The following ATF6 variants were observed in gnomAD, a reference collection of about 807,000 sequenced individuals.
ATF6 encodes activating transcription factor 6, also known as cyclic AMP-dependent transcription factor ATF-6 alpha.
Under a neutral mutation model 83.6 loss-of-function variants are expected in ATF6, and 53 were observed. The ratio of observed to expected loss-of-function variants is 0.63; its 90% CI spans 0.51 to 0.80. The LOEUF is 0.80. Ranked by LOEUF, ATF6 falls within the 30% of genes least tolerant of loss-of-function variation. The probability of loss-of-function intolerance (pLI) is 0.00; values close to 1 mark genes in which losing one functional copy is unlikely to be tolerated. For synonymous variants in ATF6, 288 were observed against 285.8 expected (o/e 1.01, Z -0.08); for missense variants, 744 against 797.9 (o/e 0.93, Z 0.81).
At position 161,958,788 on chromosome 1, in the gene ATF6, G is replaced by T. The variant is rs536231519; in HGVS notation, c.*134G>T. On this transcript the variant is annotated 3_prime_UTR_variant, in exon 16 of 16. Coordinates refer to ENST00000367942, the MANE Select transcript of ATF6 (RefSeq NM_007348.4). ...CTAGAATTCAAGGAGGAAAGAAGAA[G>T]AAATAAAAGAAGCTGCTCCATTTTT... The T allele has an allele frequency of 1.4e-6, 1 of 705,704 alleles. No homozygotes were observed. Among genetic ancestry groups the T allele is most frequent in the South Asian group, 2.5e-5 (1 of 40,192 alleles). 43.7% of individuals were successfully genotyped at this position (705,704 alleles called of 1,614,324 possible). A position where few individuals can be genotyped will look rare whatever the true frequency, so the allele number is the denominator to read the frequency against.
At chr1:161,857,754 G>A (rs992452176) in intron 12 of ATF6, among the ~76,000 whole-genome samples, 3 of 151,916 alleles carry the variant, frequency 2.0e-5, no homozygotes, top group South Asian at 4.1e-4. Flanking sequence ...AATAATAATG[G>A]CAATTTATTA....
chr1:161,866,332 C>CATTCCTGT (rs1686998991), intron 14 of ATF6, among the ~76,000 whole-genome samples: 1 of 152,214 alleles, frequency 6.6e-6, no homozygotes, highest in Non-Finnish European at 1.5e-5. Context: ...TCACACCCTG[C>CATTCCTGT]ATTCCTGTAC....
chr1:161,892,812 A>G (rs1260888450), intron 14 of ATF6, among the ~76,000 whole-genome samples: 1 of 151,770 alleles, frequency 6.6e-6, no homozygotes, highest in African/African-American at 2.4e-5. Context: ...TAATTTTTGT[A>G]TTTTTAGTAG....
At chr1:161,845,288 G>A (rs1686458227) in intron 9 of ATF6, among the ~76,000 whole-genome samples, 1 of 151,962 alleles carries the variant, frequency 6.6e-6, no homozygotes, top group Non-Finnish European at 1.5e-5. Flanking sequence ...TTTTTCATTA[G>A]CCTTACTTTC....
chr1:161,894,642 TTC>T (rs1284032350), intron 14 of ATF6, among the ~76,000 whole-genome samples: 1 of 144,584 alleles, frequency 6.9e-6, no homozygotes, highest in Non-Finnish European at 1.5e-5. Flanking sequence ...GTTTAAGCAA[TTC>T]TCTGCCTCAG....
intron 15 of ATF6, among the ~76,000 whole-genome samples, chr1:161,914,609 T>C (rs933352666): frequency 6.6e-6 from 1 of 152,200 alleles, no homozygotes; most frequent in South Asian, 2.1e-4. Flanking sequence ...CTTTGAAATC[T>C]CCTTTTCAGG....
chr1:161,888,445 T>G (rs1215163411), intron 14 of ATF6, among the ~76,000 whole-genome samples: 1 of 152,204 alleles, frequency 6.6e-6, no homozygotes, highest in African/African-American at 2.4e-5. Context: ...CTTATCTAAA[T>G]TCCCCTAGCT....
rs1293114767 is a variant in ATF6 at position 161,950,606 on chromosome 1, A to C, written c.1805-7840A>C. Among the ~76,000 whole-genome samples the C allele has an allele frequency of 3.3e-5, 5 of 152,204 alleles. No homozygotes were observed. The East Asian group carries it at 9.6e-4, about 29-fold the overall frequency. On this transcript the variant is annotated intron_variant, in intron 15 of 15. Transcript: ENST00000367942. ...ATTAGAAGCCAGAAAGTAATAGGCC[A>C]TTCCTCATGTTGGCTGATGACCCCA...
chr1:161,918,411 G>A (rs1458414945), intron 15 of ATF6, among the ~76,000 whole-genome samples: 1 of 152,102 alleles, frequency 6.6e-6, no homozygotes, highest in Non-Finnish European at 1.5e-5. Flanking sequence ...TTCAGCAATT[G>A]TTCTATAAAT....
intron 4 of ATF6, among the ~76,000 whole-genome samples, chr1:161,791,128 G>GTC (rs1383736245): frequency 6.6e-6 from 1 of 150,948 alleles, no homozygotes; most frequent in East Asian, 1.9e-4. Context: ...GTGTGTGTGT[G>GTC]TGTGTAGTTT....
intron 14 of ATF6, among the ~76,000 whole-genome samples, chr1:161,864,302 C>G (rs961778642): frequency 6.6e-6 from 1 of 152,134 alleles, no homozygotes; most frequent in Non-Finnish European, 1.5e-5. Context: ...GCCAAACCCA[C>G]TTATATGCAG....
chr1:161,879,779 C>T (rs6427633), intron 14 of ATF6, among the ~76,000 whole-genome samples: 137,295 of 152,126 alleles, frequency 0.9, 62,115 homozygotes, highest in African/African-American at 0.96. Context: ...TTTAACACTT[C>T]GAAATGCTGT....
chr1:161,929,137 A>G (rs1331221674), intron 15 of ATF6, among the ~76,000 whole-genome samples: 1 of 152,230 alleles, frequency 6.6e-6, no homozygotes, highest in Non-Finnish European at 1.5e-5. Context: ...ACTATGATAC[A>G]GAAGAACATT....
intron 9 of ATF6, among the ~76,000 whole-genome samples, chr1:161,833,631 C>T (rs1001595858): frequency 5.3e-5 from 8 of 152,006 alleles, no homozygotes; most frequent in South Asian, 4.2e-4. Flanking sequence ...GTAACCAATG[C>T]GATCAACTGG....
At chr1:161,825,822 C>T (rs904163681) in intron 9 of ATF6, among the ~76,000 whole-genome samples, 2 of 152,140 alleles carry the variant, frequency 1.3e-5, no homozygotes, top group African/African-American at 4.8e-5. Flanking sequence ...CCCCCTCTCC[C>T]CTACTTGGAG....
intron 14 of ATF6, among the ~76,000 whole-genome samples, chr1:161,898,707 C>G (rs980501919): frequency 3.3e-5 from 5 of 152,024 alleles, no homozygotes; most frequent in African/African-American, 1.2e-4. Flanking sequence ...GCCACCACGC[C>G]CAGCTAATTT....
At chr1:161,766,489 A>G in intron 1 of ATF6, 47 bp downstream of exon 1, 1 of 1,585,592 alleles carries the variant, frequency 6.3e-7, no homozygotes, top group Non-Finnish European at 8.6e-7. Context: ...GTTCGCGTCT[A>G]AAGGTTTCTT....
intron 14 of ATF6, among the ~76,000 whole-genome samples, chr1:161,888,083 A>T (rs4657116): frequency 0.097 from 14,796 of 152,268 alleles, 1,296 homozygotes; most frequent in East Asian, 0.32. Flanking sequence ...AGAACAGGAA[A>T]CATTACGAAT....
chr1:161,864,773 G>C (rs931927314), intron 14 of ATF6, among the ~76,000 whole-genome samples: 39 of 152,252 alleles, frequency 2.6e-4, no homozygotes, highest in Non-Finnish European at 3.7e-4. Flanking sequence ...CAGCAGCAAG[G>C]GGGCAGCTGA....
Sources: allele counts gnomAD v4.1 joint callset (sites outside exome capture counted in the v4.1 genomes callset), GRCh38; gene constraint gnomAD v4.1.1; transcripts MANE v1.5; gene names NCBI Gene and HGNC (gene_info 2026-07-23, HGNC 2026-07-21).